Variants in ATOH8 observed in about 807,000 individuals in gnomAD.
ATOH8 encodes the protein transcription factor ATOH8.
ATOH8 carries 9 observed loss-of-function variants against 21.2 expected under a neutral mutation model. That is an observed-to-expected ratio of 0.42 (90% CI 0.26 to 0.74). ATOH8 has a LOEUF of 0.74. ATOH8 is among the 30% of genes least tolerant of loss of function. ATOH8 has a pLI of 0.24. For missense variants in ATOH8, 524 were observed against 470.9 expected, an observed-to-expected ratio of 1.11 and a Z score of -1.04; for synonymous variants, 253 against 224.0, an observed-to-expected ratio of 1.13 and a Z score of -1.16.
Position 85,754,068 on chromosome 2 carries a change from G to GGGGAGAAAGGGAGAGA in ATOH8, c.-116_-101dup, listed in dbSNP as rs1473142333. 7.3e-4 allele frequency: 896 copies of GGGGAGAAAGGGAGAGA among 1,223,332 alleles called. 2 individuals carry two copies. Among genetic ancestry groups the GGGGAGAAAGGGAGAGA allele is most frequent in the Non-Finnish European group, 8.9e-4 (832 of 937,456 alleles). The allele number at this position is 1,223,332 out of a possible 1,614,324, so 75.8% of individuals were successfully genotyped here. On this transcript the variant is annotated 5_prime_UTR_variant, in exon 1 of 3. Transcript: ENST00000306279. Reference sequence around the variant, plus strand: ...CGGCGGCGCAGCTGCCCGGGGCGAGGGGGAGAAAGGGAGAGAGGGAGGGGG... The same window carrying GGGGAGAAAGGGAGAGA: ...CGGCGGCGCAGCTGCCCGGGGCGAGGGGGAGAAAGGGAGAGAGGGAGAAAGGGAGAGAGGGAGGGGG...
At chr2:85,770,498 C>T (rs909284007) in intron 2 of ATOH8, among the ~76,000 whole-genome samples, 3 of 152,246 alleles carry the variant, frequency 2.0e-5, no homozygotes, top group Non-Finnish European at 4.4e-5. Context: ...AAAATGGATG[C>T]AATTTATTTT....
chr2:85,765,930 C>T (rs975392139), intron 2 of ATOH8, among the ~76,000 whole-genome samples: 10 of 152,336 alleles, frequency 6.6e-5, no homozygotes, highest in Non-Finnish European at 1.2e-4. Flanking sequence ...CTGGTCCAAC[C>T]TTCCCATTGT....
At chr2:85,768,214 T>C (rs544090650) in intron 2 of ATOH8, among the ~76,000 whole-genome samples, 1 of 152,312 alleles carries the variant, frequency 6.6e-6, no homozygotes, top group South Asian at 2.1e-4. Flanking sequence ...ACCTAAGGCC[T>C]ACTTGCTTCC....
intron 2 of ATOH8, among the ~76,000 whole-genome samples, chr2:85,781,678 C>A (rs1680498842): frequency 6.6e-6 from 1 of 151,950 alleles, no homozygotes; most frequent in African/African-American, 2.4e-5. Flanking sequence ...AAGTTTGAGA[C>A]CAGCCTGGGC....
At chr2:85,760,100 A>G (rs564885628) in intron 1 of ATOH8, among the ~76,000 whole-genome samples, 7 of 151,974 alleles carry the variant, frequency 4.6e-5, no homozygotes, top group Non-Finnish European at 1.0e-4. Context: ...ATGTTTTTTC[A>G]TGCTTGCTGG....
At chr2:85,771,106 C>A (rs1418942412) in intron 2 of ATOH8, among the ~76,000 whole-genome samples, 1 of 152,126 alleles carries the variant, frequency 6.6e-6, no homozygotes, top group Non-Finnish European at 1.5e-5. Flanking sequence ...GGGGCTAACC[C>A]CAGAGAACGC....
intron 2 of ATOH8, among the ~76,000 whole-genome samples, chr2:85,776,922 C>A (rs1401649303): frequency 1.3e-5 from 2 of 152,154 alleles, no homozygotes; most frequent in Non-Finnish European, 2.9e-5. Flanking sequence ...CCTGCCAGCC[C>A]TGTTCCTGCC....
At chr2:85,763,281 T>C (rs1036630142) in intron 1 of ATOH8, among the ~76,000 whole-genome samples, 1 of 152,196 alleles carries the variant, frequency 6.6e-6, no homozygotes, top group Non-Finnish European at 1.5e-5. Context: ...TTTCACCCCA[T>C]ACAAATCCCT....
rs938524517 is a variant in ATOH8, at chr2:85,786,962, C to T, written c.*72C>T. 17 of 1,605,648 alleles carry T rather than the reference C, an allele frequency of 1.1e-5. No homozygotes were observed. The African/African-American group carries it at 1.1e-4, about 10-fold the overall frequency. On this transcript the variant is annotated 3_prime_UTR_variant, in exon 3 of 3. Coordinates refer to ENST00000306279, the MANE Select transcript of ATOH8 (RefSeq NM_032827.7). ...GTCAGGCCTGAGGACAAGGTGAGCTCGCTGAGTCCAGCCTCGTGGTCTTCT... is the reference window on the plus strand; with the variant it reads ...GTCAGGCCTGAGGACAAGGTGAGCTTGCTGAGTCCAGCCTCGTGGTCTTCT...
At chr2:85,774,712 C>A in intron 2 of ATOH8, 1 of 985,514 alleles carries the variant, frequency 1.0e-6, no homozygotes, top group Non-Finnish European at 1.2e-6. Flanking sequence ...AGGGATGAGG[C>A]CAGACTCAAT....
chr2:85,789,252 A>G lies in ATOH8; in HGVS notation c.*2362A>G, dbSNP rs1013151980. On this transcript the variant is annotated 3_prime_UTR_variant, in exon 3 of 3. Transcript: ENST00000306279. ...ACATGTTTCCCTTTCATTCTGAAGC[A>G]TCATTGATGACCAGCTGCCTGTCAG... is the stretch of plus-strand genomic sequence containing the variant. 1.3e-5 allele frequency among the ~76,000 whole-genome samples: 2 copies of G among 152,178 alleles called. No homozygotes were observed. Among genetic ancestry groups the G allele is most frequent in the African/African-American group, 4.8e-5 (2 of 41,430 alleles).
chr2:85,754,237 C>A lies in ATOH8; in HGVS notation c.48C>A (p.Cys16Ter). ...AGGACGGGCCGTGGAAGACCGTGTGCGTGAAGGAGCTGAACGGCCTTAAGA... is the reference window on the plus strand; with the variant it reads ...AGGACGGGCCGTGGAAGACCGTGTGAGTGAAGGAGCTGAACGGCCTTAAGA... ...VLEDGPWKTVCVKELNGLKKL... is the reference protein window; with the variant it reads ...VLEDGPWKTV Residue 16 changes from cysteine (C) to a stop codon, truncating the protein, a stop_gained, in exon 1 of 3, where the codon TGC (cysteine) becomes TGA (stop). Coordinates refer to ENST00000306279, the MANE Select transcript of ATOH8 (RefSeq NM_032827.7). LOFTEE classifies it high-confidence loss of function. 6.2e-7 allele frequency: 1 copy of A among 1,608,252 alleles called. No homozygotes were observed. The highest frequency in any genetic ancestry group is 8.5e-7 in the Non-Finnish European group (1 of 1,178,148).
intron 1 of ATOH8, among the ~76,000 whole-genome samples, chr2:85,756,808 A>T (rs553544206): frequency 6.6e-6 from 1 of 152,258 alleles, no homozygotes; most frequent in East Asian, 1.9e-4. Flanking sequence ...CCACAGTGCC[A>T]TCTGTATCAG....
chr2:85,765,789 G>C (rs563303741), intron 2 of ATOH8, among the ~76,000 whole-genome samples: 1 of 152,204 alleles, frequency 6.6e-6, no homozygotes, highest in African/African-American at 2.4e-5. Context: ...AGGGTCTTGG[G>C]CTGGGAGGAG....
chr2:85,782,991 G>A (rs865904674), intron 2 of ATOH8, among the ~76,000 whole-genome samples: 1 of 152,202 alleles, frequency 6.6e-6, no homozygotes, highest in Admixed American at 6.5e-5. Flanking sequence ...GCCTGGCCCA[G>A]CATTTACTGA....
chr2:85,759,099 T>C (rs1335983754), intron 1 of ATOH8, among the ~76,000 whole-genome samples: 1 of 152,126 alleles, frequency 6.6e-6, no homozygotes, highest in Admixed American at 6.5e-5. Context: ...CCGGGCTACC[T>C]CCCCTGCTGC....
chr2:85,782,916 G>A (rs879933210), intron 2 of ATOH8, among the ~76,000 whole-genome samples: 5 of 152,236 alleles, frequency 3.3e-5, no homozygotes, highest in African/African-American at 7.2e-5. Flanking sequence ...GACTGGTCTC[G>A]AACTCCTGAC....
At chr2:85,776,679 G>C (rs1039630388) in intron 2 of ATOH8, among the ~76,000 whole-genome samples, 1 of 152,224 alleles carries the variant, frequency 6.6e-6, no homozygotes, top group African/African-American at 2.4e-5. Flanking sequence ...CTGGAAGGCG[G>C]CTGATTGACT....
intron 1 of ATOH8, among the ~76,000 whole-genome samples, chr2:85,759,295 G>C (rs988466630): frequency 3.3e-5 from 5 of 152,294 alleles, no homozygotes; most frequent in Non-Finnish European, 7.4e-5. Context: ...CTTGCACTGG[G>C]GGCTCCATGC....
Sources: gnomAD v4.1 joint callset for allele counts (sites outside exome capture counted in the v4.1 genomes callset) on GRCh38, gnomAD v4.1.1 for gene constraint, MANE v1.5 for transcripts, NCBI Gene and HGNC (gene_info 2026-07-23, HGNC 2026-07-21) for gene names.